Variants in TMT1A observed in about 807,000 individuals in gnomAD.
TMT1A encodes thiol methyltransferase 1A.
the TMT1A span, chr12:50,930,039 C>A: frequency 6.2e-7 from 1 of 1,614,094 alleles, no homozygotes; most frequent in Non-Finnish European, 8.5e-7. Flanking sequence ...CCAGAGAGAG[C>A]TGGAAGGCCC....
chr12:50,929,412 G>A, the TMT1A span, among the ~76,000 whole-genome samples: 2 of 152,160 alleles, frequency 1.3e-5, 1 homozygote, highest in East Asian at 3.9e-4. Context: ...GAGTGGTGCA[G>A]TTACCACAAT....
the TMT1A span, chr12:50,930,245 T>C: frequency 9.6e-7 from 1 of 1,037,006 alleles, no homozygotes; most frequent in Non-Finnish European, 1.3e-6. Context: ...ACCTTTTTTT[T>C]GGGGGGCGGT....
the TMT1A span, among the ~76,000 whole-genome samples, chr12:50,927,986 G>A: frequency 1.3e-5 from 2 of 152,096 alleles, no homozygotes; most frequent in African/African-American, 4.8e-5. Flanking sequence ...TACCACGCCT[G>A]GCTAACTTTT....
the TMT1A span, among the ~76,000 whole-genome samples, chr12:50,926,484 G>T: frequency 7.2e-5 from 11 of 152,258 alleles, no homozygotes; most frequent in African/African-American, 2.6e-4. Flanking sequence ...CCATACACAA[G>T]AATATTAAGT....
At chr12:50,928,422 C>T in the TMT1A span, among the ~76,000 whole-genome samples, 1 of 152,192 alleles carries the variant, frequency 6.6e-6, no homozygotes, top group Non-Finnish European at 1.5e-5. Flanking sequence ...AAACAGGTTG[C>T]TGGTTGCCCC....
At chr12:50,929,465 A>G in the TMT1A span, among the ~76,000 whole-genome samples, 1 of 152,194 alleles carries the variant, frequency 6.6e-6, no homozygotes, top group Non-Finnish European at 1.5e-5. Flanking sequence ...TACTCCCCTC[A>G]GAGGTAGATA....
At chr12:50,925,630 A>T in the TMT1A span, 9 of 1,385,014 alleles carry the variant, frequency 6.5e-6, no homozygotes, top group Non-Finnish European at 3.8e-6. Context: ...ATTTTAACAT[A>T]AAAAGTAAAC....
chr12:50,927,170 GGCAT>G, the TMT1A span, among the ~76,000 whole-genome samples: 1 of 152,050 alleles, frequency 6.6e-6, no homozygotes. Flanking sequence ...TGGGACTACA[GGCAT>G]GCACCACCAC....
the TMT1A span, chr12:50,930,262 GGTTT>G: frequency 1.2e-6 from 1 of 868,586 alleles, no homozygotes; most frequent in Non-Finnish European, 1.7e-6. Context: ...CGGTTTTTTT[GGTTT>G]GTTGTTGGTT....
the TMT1A span, among the ~76,000 whole-genome samples, chr12:50,926,378 A>C: frequency 6.6e-6 from 1 of 152,214 alleles, no homozygotes; most frequent in Admixed American, 6.5e-5. Context: ...ACTGGACACC[A>C]CCATACACAT....
At chr12:50,928,703 A>T in the TMT1A span, among the ~76,000 whole-genome samples, 773 of 151,670 alleles carry the variant, frequency 5.1e-3, 9 homozygotes, top group African/African-American at 0.017. Flanking sequence ...ACTTATATAC[A>T]CTCCCCAGCA....
At chr12:50,925,664 T>C in the TMT1A span, 44 of 1,161,570 alleles carry the variant, frequency 3.8e-5, no homozygotes, top group Non-Finnish European at 5.0e-5. Flanking sequence ...TGTAGAATTT[T>C]TTAAAATTTT....
chr12:50,925,629 T>G, the TMT1A span: 1 of 1,381,976 alleles, frequency 7.2e-7, no homozygotes, highest in East Asian at 2.5e-5. Context: ...CATTTTAACA[T>G]AAAAAGTAAA....
chr12:50,930,140 C>T, the TMT1A span: 8 of 1,603,828 alleles, frequency 5.0e-6, no homozygotes, highest in South Asian at 1.1e-5. Context: ...TATGGATATG[C>T]TGTGAAATAG....
chr12:50,926,477 T>A, the TMT1A span, among the ~76,000 whole-genome samples: 1 of 152,188 alleles, frequency 6.6e-6, no homozygotes, highest in Non-Finnish European at 1.5e-5. Flanking sequence ...AACTTGTCCA[T>A]ACACAAGAAT....
At chr12:50,930,276 T>G in the TMT1A span, 2 of 394,412 alleles carry the variant, frequency 5.1e-6, no homozygotes, top group Non-Finnish European at 4.0e-6. Context: ...TGTTGTTGGT[T>G]TTTTTTTTTT....
At chr12:50,925,017 C>G in the TMT1A span, 8 of 1,608,274 alleles carry the variant, frequency 5.0e-6, no homozygotes, top group African/African-American at 6.7e-5. Flanking sequence ...AACTGTTGAT[C>G]TGTTTTTTTC....
At chr12:50,928,461 G>A in the TMT1A span, among the ~76,000 whole-genome samples, 1 of 152,204 alleles carries the variant, frequency 6.6e-6, no homozygotes, top group Non-Finnish European at 1.5e-5. Context: ...GATGGAGCTG[G>A]ATTCCCTGTT....
the TMT1A span, among the ~76,000 whole-genome samples, chr12:50,927,806 GCT>G: frequency 3.6e-4 from 55 of 152,290 alleles, no homozygotes; most frequent in African/African-American, 1.3e-3. Context: ...AGTAGACATG[GCT>G]CTCTTTAATG....
Sources: allele counts gnomAD v4.1 joint callset (sites outside exome capture counted in the v4.1 genomes callset), GRCh38; gene constraint gnomAD v4.1.1; transcripts MANE v1.5; gene names NCBI Gene and HGNC (gene_info 2026-07-23, HGNC 2026-07-21).